RNF135: variants seen among roughly 807,000 people sequenced by gnomAD.
RNF135 encodes E3 ubiquitin-protein ligase RNF135.
RNF135 carries 46 observed loss-of-function variants against 41.9 expected under a neutral mutation model. The observed-to-expected ratio is 1.10, with a 90% CI of 0.87 to 1.40. RNF135 has a LOEUF of 1.40. Among genes scored for constraint, RNF135 ranks in the 40% most tolerant of loss-of-function variants. RNF135 has a pLI of 0.00. For missense variants in RNF135, 539 were observed against 549.8 expected (o/e 0.98, Z 0.20); for synonymous variants, 238 against 223.8 (o/e 1.06, Z -0.57).
At chr17:30,972,028 A>T (rs117549782) in intron 1 of RNF135, 1,791 of 152,524 alleles carry the variant, frequency 0.012, 23 homozygotes, top group Non-Finnish European at 0.017. Flanking sequence ...TTGACCACAG[A>T]TGATCCGTCC....
chr17:30,986,156 GC>G (rs1216923226), intron 2 of RNF135, among the ~76,000 whole-genome samples: 4 of 151,648 alleles, frequency 2.6e-5, no homozygotes, highest in South Asian at 2.1e-4. Flanking sequence ...ATTAATGTCT[GC>G]CCCCCTCCCT....
At chr17:30,985,762 C>T (rs1200938478) in intron 2 of RNF135, among the ~76,000 whole-genome samples, 1 of 152,180 alleles carries the variant, frequency 6.6e-6, no homozygotes, top group Non-Finnish European at 1.5e-5. Context: ...CATCAGTTTG[C>T]TCAGGAGTAA....
chr17:30,978,591 TTTTTTTATTTATTTTTTA>T (rs1024918695), intron 1 of RNF135: 9 of 151,720 alleles, frequency 5.9e-5, no homozygotes, highest in African/African-American at 2.2e-4. Flanking sequence ...AATTATTTCT[TTTTTTTATTTATTTTTTA>T]TTTTTTATTT....
intron 2 of RNF135, among the ~76,000 whole-genome samples, chr17:30,986,908 A>G (rs1907628177): frequency 6.6e-6 from 1 of 152,230 alleles, no homozygotes; most frequent in Admixed American, 6.5e-5. Flanking sequence ...GATTTTTTAC[A>G]GGTTGATAAA....
chr17:30,971,078 C>CGGGGCT lies in RNF135; in HGVS notation c.8_9insGCTGGG (p.Leu6_Gly7dup), dbSNP rs2142648789. 1.3e-6 allele frequency: 2 copies of CGGGGCT among 1,534,196 alleles called. No homozygotes were observed. Among genetic ancestry groups the CGGGGCT allele is most frequent in the East Asian group, 4.9e-5 (2 of 40,872 alleles). ...CGCCCCGGCCGCCTGTTGGCCATGG[C>CGGGGCT]GGGCCTGGGCCTGGGCTCCGCCGTT... On this transcript the variant is annotated inframe_insertion, in exon 1 of 5. Coordinates refer to ENST00000328381, the MANE Select transcript of RNF135 (RefSeq NM_032322.4).
At chr17:30,963,571 C>T in the RNF135 span, among the ~76,000 whole-genome samples, 3 of 133,124 alleles carry the variant, frequency 2.3e-5, no homozygotes, top group Admixed American at 1.3e-4. Context: ...GAGACTCTGT[C>T]TCAAGAAAAA....
chr17:30,997,526 G>C (rs1420359947), intron 4 of RNF135, 195 bp downstream of exon 4: 1 of 653,824 alleles, frequency 1.5e-6, no homozygotes, highest in African/African-American at 1.8e-5. Context: ...AGCACTCAGA[G>C]TCCCGCCAAC....
chr17:30,996,034 C>T (rs1261307924), intron 3 of RNF135, among the ~76,000 whole-genome samples: 1 of 151,350 alleles, frequency 6.6e-6, no homozygotes, highest in East Asian at 1.9e-4. Flanking sequence ...GCCTCAGCCT[C>T]CCAAAGTATT....
intron 3 of RNF135, chr17:30,993,706 A>T (rs972820136): frequency 2.2e-4 from 76 of 349,522 alleles, no homozygotes; most frequent in Admixed American, 1.8e-3. Context: ...GTGTTAATTT[A>T]AAAAAAAAAA....
At chr17:30,983,350 TA>T (rs372356889) in intron 1 of RNF135, among the ~76,000 whole-genome samples, 16 of 41,068 alleles carry the variant, frequency 3.9e-4, no homozygotes, top group East Asian at 8.4e-4. Flanking sequence ...TATATATATA[TA>T]TATTTTTTTT....
intron 1 of RNF135, among the ~76,000 whole-genome samples, chr17:30,979,731 C>G (rs1196247147): frequency 7.7e-6 from 1 of 130,150 alleles, no homozygotes; most frequent in African/African-American, 2.9e-5. Flanking sequence ...CCACCTCCCT[C>G]CCGGACGGGG....
chr17:30,962,093 C>G, the RNF135 span, among the ~76,000 whole-genome samples: 2 of 151,994 alleles, frequency 1.3e-5, no homozygotes, highest in African/African-American at 4.8e-5. Flanking sequence ...ACTTAATTTT[C>G]AAAATCCTCT....
At chr17:30,973,698 T>G (rs1906201467) in intron 1 of RNF135, among the ~76,000 whole-genome samples, 1 of 152,184 alleles carries the variant, frequency 6.6e-6, no homozygotes, top group Non-Finnish European at 1.5e-5. Flanking sequence ...ACTGCTGACC[T>G]CAAGTGATCT....
At chr17:30,984,593 G>C in intron 1 of RNF135, 24 bp from the exon 2 acceptor site, 1 of 1,614,088 alleles carries the variant, frequency 6.2e-7, no homozygotes, top group Non-Finnish European at 8.5e-7. Context: ...TAGAACCCAG[G>C]ACCTGAACTT....
chr17:30,971,187 C>T lies in RNF135; in HGVS notation c.114C>T (p.His38=). The stretch of plus-strand genomic sequence containing the variant: ...GGCCCGCCACGCTGCCCTGCGGCCA[C>T]AGCTTCTGCCGCCACTGCCTGGAGG... ...LDWPATLPCG[H]SFCRHCLEAL... is the part of the protein sequence containing the mutation. Residue 38 remains histidine (H), a synonymous_variant, in exon 1 of 5, where the codon CAC becomes CAT. Transcript: ENST00000328381. The T allele has an allele frequency of 6.6e-7, 1 of 1,525,678 alleles. No individual in the cohort carries two copies. Among genetic ancestry groups the T allele is most frequent in the Non-Finnish European group, 8.7e-7 (1 of 1,142,866 alleles). The allele number at this position is 1,525,678 out of a possible 1,614,324, so 94.5% of individuals were successfully genotyped here.
chr17:30,966,132 G>A (rs1369469273), upstream of RNF135, among the ~76,000 whole-genome samples: 1 of 152,154 alleles, frequency 6.6e-6, no homozygotes, highest in Admixed American at 6.5e-5. Flanking sequence ...CCCTGAATAA[G>A]GAAAGGATTA....
chr17:30,992,815 C>T (rs925233379), intron 3 of RNF135, among the ~76,000 whole-genome samples: 4 of 151,852 alleles, frequency 2.6e-5, no homozygotes, highest in African/African-American at 9.7e-5. Context: ...CTTCTATTTT[C>T]ATGTAGTAAA....
At position 30,997,264 on chromosome 17, in the gene RNF135, TTCC is replaced by T; in HGVS notation, c.708_710del (p.Ser237del). 1 of 1,614,090 alleles carries T rather than the reference TTCC, an allele frequency of 6.2e-7. No individual in the cohort carries two copies. The highest frequency in any genetic ancestry group is 1.1e-5 in the South Asian group (1 of 91,072). On this transcript the variant is annotated inframe_deletion, in exon 4 of 5. Coordinates refer to ENST00000328381, the MANE Select transcript of RNF135 (RefSeq NM_032322.4). ...TAGGAGAACTCCTGGAAGCCCCGTC[TTCC>T]TCCTCATGCCCATTGCCTGACCAGA...
At position 30,999,093 on chromosome 17, in the gene RNF135, G is replaced by T; in HGVS notation, c.1201G>T (p.Glu401Ter). 2 of 1,614,152 alleles carry T rather than the reference G, an allele frequency of 1.2e-6. No individual in the cohort carries two copies. The highest frequency in any genetic ancestry group is 1.7e-6 in the Non-Finnish European group (2 of 1,180,020). The part of the protein sequence containing the change: ...SVDNQEKLLY[E>*]CTISASSPLY... Reference sequence around the variant, plus strand: ...GGACAATCAGGAGAAGCTTCTGTATGAGTGTACCATCTCTGCCTCCTCTCC... The same window carrying T: ...GGACAATCAGGAGAAGCTTCTGTATTAGTGTACCATCTCTGCCTCCTCTCC... The change falls in exon 5 of 5, where the codon GAG becomes TAG. Residue 401 changes from glutamate to a stop codon, truncating the protein, a stop_gained. Coordinates refer to ENST00000328381, the MANE Select transcript of RNF135 (RefSeq NM_032322.4). LOFTEE classifies it high-confidence loss of function.
Sources: gnomAD v4.1 joint callset for allele counts (sites outside exome capture counted in the v4.1 genomes callset) on GRCh38, gnomAD v4.1.1 for gene constraint, MANE v1.5 for transcripts, NCBI Gene and HGNC (gene_info 2026-07-23, HGNC 2026-07-21) for gene names.